PDGFC: variants seen among roughly 807,000 people sequenced by gnomAD.
PDGFC encodes the protein platelet-derived growth factor C.
A neutral mutation model predicts 35.5 loss-of-function variants in PDGFC; 12 were observed. That is an observed-to-expected ratio of 0.34 (90% CI 0.22 to 0.55). The LOEUF (loss-of-function observed/expected upper bound fraction) is 0.55. Among genes scored for constraint, PDGFC ranks in the 20% least tolerant of loss-of-function variants. The pLI is 0.91. For synonymous variants in PDGFC, 159 were observed against 148.8 expected (o/e 1.07, Z -0.50); for missense variants, 322 against 412.4 (o/e 0.78, Z 1.90).
chr4:156,822,850 A>G (rs1732308704), intron 2 of PDGFC, among the ~76,000 whole-genome samples: 1 of 152,008 alleles, frequency 6.6e-6, no homozygotes, highest in South Asian at 2.1e-4. Context: ...CAACCTTGCA[A>G]CCTTCGCCTC....
chr4:156,811,597 C>T (rs570039670), intron 2 of PDGFC, among the ~76,000 whole-genome samples: 8 of 152,068 alleles, frequency 5.3e-5, no homozygotes. Flanking sequence ...TTCTAACTAA[C>T]CATATATGTG....
intron 3 of PDGFC, among the ~76,000 whole-genome samples, chr4:156,800,557 ATTAT>A (rs756159787): frequency 6.6e-6 from 1 of 152,212 alleles, no homozygotes; most frequent in South Asian, 2.1e-4. Flanking sequence ...CAAATTGTTG[ATTAT>A]TTATGAGAAT....
intron 1 of PDGFC, among the ~76,000 whole-genome samples, chr4:156,951,078 TCATTCA>T (rs1447785402): frequency 6.6e-6 from 1 of 151,908 alleles, no homozygotes. Flanking sequence ...ACCCTTCTCT[TCATTCA>T]CTAAACAAAT....
At chr4:156,908,726 G>C (rs770227216) in intron 1 of PDGFC, among the ~76,000 whole-genome samples, 86 of 152,102 alleles carry the variant, frequency 5.7e-4, no homozygotes, top group Non-Finnish European at 5.9e-5. Flanking sequence ...ATCCAAGCCA[G>C]TTATCTCTTA....
intron 1 of PDGFC, among the ~76,000 whole-genome samples, chr4:156,864,748 A>G (rs1729794089): frequency 6.6e-6 from 1 of 152,190 alleles, no homozygotes; most frequent in Non-Finnish European, 1.5e-5. Flanking sequence ...ATGATGAAGA[A>G]AGTTTTGAGA....
At chr4:156,814,161 T>C (rs1228639183) in intron 2 of PDGFC, among the ~76,000 whole-genome samples, 1 of 152,176 alleles carries the variant, frequency 6.6e-6, no homozygotes, top group East Asian at 1.9e-4. Context: ...CATTTACTTA[T>C]ATTTGCTCTT....
At chr4:156,780,985 C>T (rs1730964461) in intron 3 of PDGFC, among the ~76,000 whole-genome samples, 1 of 152,118 alleles carries the variant, frequency 6.6e-6, no homozygotes, top group South Asian at 2.1e-4. Context: ...TTTTTACATG[C>T]TGGAGTGTCC....
At position 156,839,033 on chromosome 4, in the gene PDGFC, G is replaced by A. The variant is rs151334024; in HGVS notation, c.314+11188C>T. Among the ~76,000 whole-genome samples the A allele has an allele frequency of 5.6e-3, 857 of 152,318 alleles. 9 individuals are homozygous for A. The highest frequency in any genetic ancestry group is 0.02 in the African/African-American group (814 of 41,566). ...ACAAAGAAACAGATGGTGAGGATGT[G>A]GGGGTTGAAAGGAAGCGGTGTATTA... On this transcript the variant is annotated intron_variant, in intron 2 of 5. Coordinates refer to ENST00000502773, the MANE Select transcript of PDGFC (RefSeq NM_016205.3).
At chr4:156,924,050 T>C (rs1425909842) in intron 1 of PDGFC, among the ~76,000 whole-genome samples, 2 of 152,170 alleles carry the variant, frequency 1.3e-5, no homozygotes, top group Non-Finnish European at 2.9e-5. Flanking sequence ...TATTATTCTT[T>C]ATTCATTTAA....
chr4:156,853,162 G>A (rs1356738752), intron 1 of PDGFC, among the ~76,000 whole-genome samples: 1 of 152,120 alleles, frequency 6.6e-6, no homozygotes, highest in African/African-American at 2.4e-5. Flanking sequence ...TTTGAATTAT[G>A]GGTATTTCTT....
At chr4:156,771,278 T>G (rs1560804490) in intron 4 of PDGFC, among the ~76,000 whole-genome samples, 1 of 152,146 alleles carries the variant, frequency 6.6e-6, no homozygotes, top group Admixed American at 6.6e-5. Context: ...AGAAATCAGC[T>G]GTCAAAAAAC....
chr4:156,937,728 C>G (rs1481034800), intron 1 of PDGFC, among the ~76,000 whole-genome samples: 1 of 152,106 alleles, frequency 6.6e-6, no homozygotes, highest in Non-Finnish European at 1.5e-5. Context: ...GCATATTCAC[C>G]TATCTGAACA....
At chr4:156,787,671 A>AG (rs143318104) in intron 3 of PDGFC, among the ~76,000 whole-genome samples, 2 of 151,954 alleles carry the variant, frequency 1.3e-5, no homozygotes, top group African/African-American at 2.4e-5. Context: ...AAGGAGGAGG[A>AG]GAGAGAGAGA....
chr4:156,900,215 A>T (rs1730733643), intron 1 of PDGFC, among the ~76,000 whole-genome samples: 1 of 152,300 alleles, frequency 6.6e-6, no homozygotes, highest in South Asian at 2.1e-4. Flanking sequence ...TCCAGTTTTA[A>T]TTCTCTCTTT....
chr4:156,772,688 C>G lies in PDGFC; in HGVS notation c.701G>C (p.Arg234Thr). 6.2e-7 allele frequency: 1 copy of G among 1,608,590 alleles called. No homozygotes were observed. The highest frequency in any genetic ancestry group is 2.2e-5 in the East Asian group (1 of 44,802). The change falls in exon 4 of 6, where the codon AGA becomes ACA. Residue 234 changes from arginine to threonine, a missense_variant and splice_region_variant. Physicochemically the swap from Arg to Thr is moderately conservative, Grantham distance 71 (BLOSUM62 -1). Coordinates refer to ENST00000502773, the MANE Select transcript of PDGFC (RefSeq NM_016205.3). ...GKAFVFGRKS[R>T]VVDLNLLTEE... The stretch of plus-strand genomic sequence containing the variant: ...TCTAATCTGAAGAGGGAGCTTACCT[C>G]TGGATTTTCTTCCAAAAACAAAAGC...
intron 1 of PDGFC, among the ~76,000 whole-genome samples, chr4:156,952,872 T>C (rs1732116315): frequency 6.6e-6 from 1 of 151,860 alleles, no homozygotes; most frequent in Non-Finnish European, 1.5e-5. Context: ...ATTTGGGGCA[T>C]AAAAAACACT....
intron 1 of PDGFC, among the ~76,000 whole-genome samples, chr4:156,939,172 C>A (rs1015884290): frequency 1.3e-5 from 2 of 152,000 alleles, no homozygotes; most frequent in Non-Finnish European, 2.9e-5. Context: ...ATTTACATAT[C>A]GTTTTTTAGG....
chr4:156,792,425 A>G (rs961790266), intron 3 of PDGFC, among the ~76,000 whole-genome samples: 1 of 152,184 alleles, frequency 6.6e-6, no homozygotes, highest in Non-Finnish European at 1.5e-5. Flanking sequence ...AAAATCACAG[A>G]GCACATTTTT....
intron 1 of PDGFC, among the ~76,000 whole-genome samples, chr4:156,897,100 ATAGGAAG>A (rs1267598579): frequency 2.0e-5 from 3 of 152,172 alleles, no homozygotes; most frequent in Admixed American, 1.3e-4. Flanking sequence ...TCTATGTAAA[ATAGGAAG>A]TAGGAGAGAA....
Sources: gnomAD v4.1 joint callset for allele counts (sites outside exome capture counted in the v4.1 genomes callset) on GRCh38, gnomAD v4.1.1 for gene constraint, MANE v1.5 for transcripts, NCBI Gene and HGNC (gene_info 2026-07-23, HGNC 2026-07-21) for gene names.